The following IGF2BP3 variants were observed in gnomAD, a reference collection of about 807,000 sequenced individuals.
The protein encoded by IGF2BP3 is insulin like growth factor 2 mRNA binding protein 3, also known as insulin-like growth factor 2 mRNA-binding protein 3.
IGF2BP3 carries 9 observed loss-of-function variants against 73.8 expected under a neutral mutation model. The observed-to-expected ratio is 0.12, with a 90% CI of 0.07 to 0.21. IGF2BP3 has a LOEUF of 0.21. Among genes scored for constraint, IGF2BP3 ranks in the 10% least tolerant of loss-of-function variants. The pLI is 1.00. For missense variants in IGF2BP3, 542 were observed against 714.0 expected (o/e 0.76, Z 2.75); for synonymous variants, 258 against 256.7 (o/e 1.01, Z -0.05).
intron 3 of IGF2BP3, among the ~76,000 whole-genome samples, chr7:23,410,852 G>C (rs78264172): frequency 1.4e-4 from 21 of 152,068 alleles, no homozygotes; most frequent in African/African-American, 4.8e-4. Context: ...TGATTAAGAG[G>C]AGACACTAAC....
In IGF2BP3 at chr7:23,323,017, C is replaced by T. The variant is rs142714755; in HGVS notation, c.1204-3763G>A. 9.4e-3 allele frequency among the ~76,000 whole-genome samples: 1,424 copies of T among 152,194 alleles called. 51 individuals are homozygous for T. The East Asian group carries it at 0.13, about 13-fold the overall frequency. ...ACTAGGAAGAAACTGCATGAACTAA[C>T]GAGCAAAATAACCAGCTAACATCAT... On this transcript the variant is annotated intron_variant, in intron 10 of 14. Transcript: ENST00000258729.
At chr7:23,442,317 TA>T (rs1338929251) in intron 2 of IGF2BP3, among the ~76,000 whole-genome samples, 4 of 152,186 alleles carry the variant, frequency 2.6e-5, no homozygotes, top group Non-Finnish European at 4.4e-5. Context: ...TGTAATCCCT[TA>T]AGGCAGATTT....
intron 2 of IGF2BP3, among the ~76,000 whole-genome samples, chr7:23,454,818 A>C (rs2128549607): frequency 6.6e-6 from 1 of 152,298 alleles, no homozygotes; most frequent in East Asian, 1.9e-4. Context: ...TCATTACATC[A>C]CTTGGGATGT....
In IGF2BP3 at chr7:23,310,599, A is replaced by G. The variant is rs1783799876; in HGVS notation, c.*1763T>C. On this transcript the variant is annotated 3_prime_UTR_variant, in exon 15 of 15. Coordinates refer to ENST00000258729, the MANE Select transcript of IGF2BP3 (RefSeq NM_006547.3). ...TTAGCAATTTTAATTCATTGTATGAAAAAAAAATCATGAATGCTAGGAGAA... is the reference window on the plus strand; with the variant it reads ...TTAGCAATTTTAATTCATTGTATGAGAAAAAAATCATGAATGCTAGGAGAA... 6.6e-6 allele frequency: 1 copy of G among 152,162 alleles called. No individual in the cohort carries two copies. The highest frequency in any genetic ancestry group is 6.6e-5 in the Admixed American group (1 of 15,264). The allele number at this position is 152,162 out of a possible 1,614,324, so 9.4% of individuals were successfully genotyped here.
intron 3 of IGF2BP3, among the ~76,000 whole-genome samples, chr7:23,398,244 A>T (rs930705117): frequency 3.9e-5 from 6 of 152,120 alleles, no homozygotes; most frequent in African/African-American, 1.4e-4. Context: ...ACATGAACTC[A>T]TCATTTTTTA....
At chr7:23,461,026 C>T (rs1788439370) in intron 2 of IGF2BP3, among the ~76,000 whole-genome samples, 1 of 152,074 alleles carries the variant, frequency 6.6e-6, no homozygotes, top group Non-Finnish European at 1.5e-5. Context: ...GGTTACATCC[C>T]AGGTTGCTCC....
chr7:23,376,555 A>AG (rs1554323188), intron 3 of IGF2BP3, among the ~76,000 whole-genome samples: 9,048 of 139,816 alleles, frequency 0.065, 1,112 homozygotes, highest in African/African-American at 0.23. Context: ...AAAAAAAAAA[A>AG]AAAGAAAGAA....
rs150566337 is a variant in IGF2BP3, at chr7:23,339,604, G to A, written c.1203+2460C>T. Reference sequence around the variant, plus strand: ...CACTTGTAATGTGAAAAGCTTTGTTGATTGGAACATGTCACCAGTATAGAG... The same window carrying A: ...CACTTGTAATGTGAAAAGCTTTGTTAATTGGAACATGTCACCAGTATAGAG... On this transcript the variant is annotated intron_variant, in intron 10 of 14. Coordinates refer to ENST00000258729, the MANE Select transcript of IGF2BP3 (RefSeq NM_006547.3). Among the ~76,000 whole-genome samples, 302 of 152,314 alleles carry A rather than the reference G, an allele frequency of 2.0e-3. 2 individuals are homozygous for A. Among genetic ancestry groups the A allele is most frequent in the African/African-American group, 7.0e-3 (293 of 41,564 alleles).
chr7:23,330,443 C>G (rs1394125907), intron 10 of IGF2BP3, among the ~76,000 whole-genome samples: 1 of 151,872 alleles, frequency 6.6e-6, no homozygotes, highest in Non-Finnish European at 1.5e-5. Flanking sequence ...GCCTTCCCCT[C>G]TCCTCTCACA....
At chr7:23,371,068 A>G (rs1785528291) in intron 3 of IGF2BP3, among the ~76,000 whole-genome samples, 1 of 152,182 alleles carries the variant, frequency 6.6e-6, no homozygotes, top group African/African-American at 2.4e-5. Flanking sequence ...TGGAACAAGC[A>G]TTACAAAAAT....
intron 3 of IGF2BP3, among the ~76,000 whole-genome samples, chr7:23,368,574 C>T (rs183733234): frequency 0.01 from 1,530 of 151,984 alleles, 15 homozygotes; most frequent in Middle Eastern, 0.027. Flanking sequence ...TGAAGGTGTC[C>T]TAAAAATGTG....
rs1785230230 is a variant in IGF2BP3 at position 23,361,577 on chromosome 7, C to T, written c.358G>A (p.Ala120Thr). The change falls in exon 5 of 15, where the codon GCA becomes ACA. Residue 120 changes from alanine (A) to threonine (T), a missense_variant. Ala to Thr is a moderately conservative substitution (Grantham distance 58). Around this residue, in one of 2 missense-constraint regions of IGF2BP3, gnomAD observed 239 missense variants for 241.9 expected, o/e 0.99. Transcript: ENST00000258729. Reference protein sequence around the residue: ...CEQVNTDSETAVVNVTYSSKD... With the variant: ...CEQVNTDSETTVVNVTYSSKD... ...CTGGAATAGGTTACATTTACAACTG[C>T]AGTTTCCGAGTCAGTGTTCACTAGA... The T allele has an allele frequency of 6.2e-7, 1 of 1,613,180 alleles. No homozygotes were observed. The highest frequency in any genetic ancestry group is 1.3e-5 in the African/African-American group (1 of 74,902).
intron 2 of IGF2BP3, among the ~76,000 whole-genome samples, chr7:23,427,266 T>C (rs748281380): frequency 3.3e-5 from 5 of 152,036 alleles, no homozygotes; most frequent in African/African-American, 7.2e-5. Flanking sequence ...ATTTTTCAGA[T>C]AGATAAACCT....
At chr7:23,387,249 T>C (rs1270219598) in intron 3 of IGF2BP3, among the ~76,000 whole-genome samples, 1 of 152,106 alleles carries the variant, frequency 6.6e-6, no homozygotes, top group Admixed American at 6.6e-5. Flanking sequence ...TGGGAAAAAC[T>C]TCACACAAGT....
At chr7:23,364,510 T>C (rs934703396) in intron 3 of IGF2BP3, among the ~76,000 whole-genome samples, 4 of 118,960 alleles carry the variant, frequency 3.4e-5, no homozygotes, top group African/African-American at 9.9e-5. Context: ...AGCACGCCAC[T>C]GCATTCCAGC....
At chr7:23,356,408 T>A (rs1187844379) in intron 5 of IGF2BP3, among the ~76,000 whole-genome samples, 1 of 151,150 alleles carries the variant, frequency 6.6e-6, no homozygotes, top group Admixed American at 6.6e-5. Context: ...AAAAAAAAAA[T>A]TAGCTGGGTG....
chr7:23,404,368 A>G (rs2128527342), intron 3 of IGF2BP3, among the ~76,000 whole-genome samples: 1 of 152,322 alleles, frequency 6.6e-6, no homozygotes, highest in Admixed American at 6.5e-5. Flanking sequence ...TAGCCAGAGT[A>G]AGCTAATTAA....
rs570224707 is a variant in IGF2BP3 at position 23,342,206 on chromosome 7, G to T, written c.1078-17C>A. 3.1e-6 allele frequency: 5 copies of T among 1,612,778 alleles called. No individual in the cohort carries two copies. The African/African-American group carries it at 5.3e-5, about 17-fold the overall frequency. On this transcript the variant is annotated splice_polypyrimidine_tract_variant and intron_variant, in intron 9 of 14. Transcript: ENST00000258729. ...TGCTTGAAGCTGCAACAGTAAAAAG[G>T]CCCCTTAATTTGACAATTAAAAGAA... is the stretch of plus-strand genomic sequence containing the variant.
At chr7:23,422,292 G>A (rs1251462399) in intron 2 of IGF2BP3, among the ~76,000 whole-genome samples, 7 of 152,248 alleles carry the variant, frequency 4.6e-5, no homozygotes, top group Middle Eastern at 6.8e-3. Flanking sequence ...TCACAAAGAG[G>A]ATACTATCTT....
Sources: allele counts gnomAD v4.1 joint callset (sites outside exome capture counted in the v4.1 genomes callset), GRCh38; gene constraint gnomAD v4.1.1; regional missense constraint gnomAD v4.1.1; transcripts MANE v1.5; gene names NCBI Gene and HGNC (gene_info 2026-07-23, HGNC 2026-07-21).